The following NKAIN3 variants were observed in gnomAD, a reference collection of about 807,000 sequenced individuals.
NKAIN3 encodes the protein sodium/potassium-transporting ATPase subunit beta-1-interacting protein 3.
Under a neutral mutation model 30.2 loss-of-function variants are expected in NKAIN3, and 25 were observed. That is an observed-to-expected ratio of 0.83 (90% CI 0.60 to 1.16). The LOEUF (loss-of-function observed/expected upper bound fraction) is 1.16. Ranked by LOEUF, NKAIN3 falls within the 50% of genes most tolerant of loss-of-function variation. NKAIN3 has a pLI of 0.00. For synonymous variants in NKAIN3, 91 were observed against 89.6 expected (o/e 1.02, Z -0.09); for missense variants, 225 against 254.1 (o/e 0.89, Z 0.78).
At chr8:62,518,486 C>T (rs983025189) in intron 1 of NKAIN3, among the ~76,000 whole-genome samples, 15 of 152,206 alleles carry the variant, frequency 9.9e-5, no homozygotes, top group Admixed American at 2.0e-4. Context: ...AATAGTGCCT[C>T]CTCCTTGGGG....
At chr8:62,497,322 ATAG>A (rs1273583011) in intron 1 of NKAIN3, among the ~76,000 whole-genome samples, 2 of 152,136 alleles carry the variant, frequency 1.3e-5, no homozygotes, top group African/African-American at 4.8e-5. Flanking sequence ...AGACTTGAAA[ATAG>A]TAGTAGAAGA....
intron 2 of NKAIN3, among the ~76,000 whole-genome samples, chr8:62,580,222 G>T (rs942297529): frequency 2.6e-5 from 4 of 152,074 alleles, no homozygotes; most frequent in African/African-American, 7.2e-5. Flanking sequence ...TTCTCTGTTT[G>T]TCAAGATGAA....
intron 6 of NKAIN3, among the ~76,000 whole-genome samples, chr8:62,955,021 A>T (rs1249126389): frequency 6.6e-6 from 1 of 152,150 alleles, no homozygotes; most frequent in Non-Finnish European, 1.5e-5. Flanking sequence ...ACATATGAAA[A>T]GTTTCACCTG....
intron 3 of NKAIN3, among the ~76,000 whole-genome samples, chr8:62,702,704 C>A (rs1814378340): frequency 6.6e-6 from 1 of 152,146 alleles, no homozygotes; most frequent in South Asian, 2.1e-4. Context: ...ATTCACAGAT[C>A]TATTTTTGAA....
intron 4 of NKAIN3, among the ~76,000 whole-genome samples, chr8:62,794,665 T>C (rs1275968725): frequency 1.3e-5 from 2 of 152,190 alleles, no homozygotes; most frequent in African/African-American, 2.4e-5. Context: ...CTACACTTGT[T>C]ACTTATTTAT....
intron 1 of NKAIN3, among the ~76,000 whole-genome samples, chr8:62,472,358 C>T (rs1346130560): frequency 1.3e-5 from 2 of 152,108 alleles, no homozygotes; most frequent in Non-Finnish European, 2.9e-5. Flanking sequence ...GGGGAGTCAG[C>T]AAGCCAGGGT....
intron 1 of NKAIN3, among the ~76,000 whole-genome samples, chr8:62,561,143 A>T (rs1222899687): frequency 6.6e-6 from 1 of 152,182 alleles, no homozygotes; most frequent in East Asian, 1.9e-4. Context: ...GTTTGCACTC[A>T]TTGACATTTC....
At chr8:62,511,811 A>T (rs866136866) in intron 1 of NKAIN3, among the ~76,000 whole-genome samples, 39 of 152,180 alleles carry the variant, frequency 2.6e-4, no homozygotes, top group Middle Eastern at 3.4e-3. Flanking sequence ...CCTCTATCTG[A>T]TTGCAGCTCA....
chr8:62,884,209 C>T (rs35064532), intron 4 of NKAIN3, among the ~76,000 whole-genome samples: 15,704 of 151,910 alleles, frequency 0.1, 897 homozygotes, highest in Admixed American at 0.14. Flanking sequence ...CCTCCTAAAA[C>T]GAGTTAGATC....
intron 1 of NKAIN3, among the ~76,000 whole-genome samples, chr8:62,384,864 T>C (rs1267545406): frequency 6.6e-6 from 1 of 152,172 alleles, no homozygotes; most frequent in Non-Finnish European, 1.5e-5. Flanking sequence ...CTGTGGGACC[T>C]CCTAAATCAA....
chr8:62,345,453 A>ATG (rs1354963565), intron 1 of NKAIN3, among the ~76,000 whole-genome samples: 3 of 119,078 alleles, frequency 2.5e-5, no homozygotes, highest in African/African-American at 1.1e-4. Flanking sequence ...ATACACACAT[A>ATG]TGTATATATA....
chr8:62,306,919 A>T (rs998283037), intron 1 of NKAIN3, among the ~76,000 whole-genome samples: 1 of 150,224 alleles, frequency 6.7e-6, no homozygotes, highest in Non-Finnish European at 1.5e-5. Flanking sequence ...GGGAAAGCAT[A>T]CTGGTCATGA....
chr8:62,920,481 A>G (rs1299363575), intron 5 of NKAIN3, among the ~76,000 whole-genome samples: 1 of 152,216 alleles, frequency 6.6e-6, no homozygotes, highest in Non-Finnish European at 1.5e-5. Flanking sequence ...GGCATGTAAA[A>G]TAAAAGACTC....
At chr8:62,832,379 T>C (rs1247598529) in intron 4 of NKAIN3, among the ~76,000 whole-genome samples, 2 of 151,144 alleles carry the variant, frequency 1.3e-5, no homozygotes, top group South Asian at 4.2e-4. Context: ...AACTTCACAA[T>C]AGGATCAAAA....
chr8:62,712,223 GGAGGT>G (rs1325768778), intron 3 of NKAIN3, among the ~76,000 whole-genome samples: 2 of 152,178 alleles, frequency 1.3e-5, no homozygotes, highest in Non-Finnish European at 2.9e-5. Flanking sequence ...CCTCCTGCGA[GGAGGT>G]GGCACTTTCC....
intron 3 of NKAIN3, among the ~76,000 whole-genome samples, chr8:62,666,621 T>G (rs2130374438): frequency 6.6e-6 from 1 of 152,320 alleles, no homozygotes; most frequent in South Asian, 2.1e-4. Flanking sequence ...GTATAATTAT[T>G]TATCCCTTAC....
At chr8:62,513,184 G>A (rs982850331) in intron 1 of NKAIN3, among the ~76,000 whole-genome samples, 2 of 151,854 alleles carry the variant, frequency 1.3e-5, no homozygotes, top group Non-Finnish European at 2.9e-5. Context: ...AGACAGCAGA[G>A]TTCTGTTTAG....
intron 4 of NKAIN3, among the ~76,000 whole-genome samples, chr8:62,777,025 G>A (rs546114633): frequency 1.7e-4 from 26 of 152,206 alleles, no homozygotes; most frequent in African/African-American, 3.9e-4. Context: ...ATGTCATGCC[G>A]CTCTCATGCT....
At chr8:62,490,068 AAGT>A (rs1343947974) in intron 1 of NKAIN3, among the ~76,000 whole-genome samples, 1 of 152,254 alleles carries the variant, frequency 6.6e-6, no homozygotes, top group African/African-American at 2.4e-5. Flanking sequence ...TTTACATTAA[AAGT>A]AGTAATCATA....
Sources: allele counts gnomAD v4.1 joint callset (sites outside exome capture counted in the v4.1 genomes callset), GRCh38; gene constraint gnomAD v4.1.1; transcripts MANE v1.5; gene names NCBI Gene and HGNC (gene_info 2026-07-23, HGNC 2026-07-21).